Variants in PCGF2 observed in about 807,000 individuals in gnomAD.
PCGF2 encodes the protein polycomb group ring finger 2, also known as polycomb group RING finger protein 2.
PCGF2 carries 8 observed loss-of-function variants against 36.1 expected under a neutral mutation model. That is an observed-to-expected ratio of 0.22 (90% CI 0.13 to 0.40). The LOEUF (loss-of-function observed/expected upper bound fraction) is 0.40, where lower values mean the gene tolerates loss of function less well. Ranked by LOEUF, PCGF2 falls within the 10% of genes least tolerant of loss-of-function variation. The pLI, the probability that PCGF2 is intolerant of heterozygous loss-of-function variation, is 1.00. For missense variants in PCGF2, 436 were observed against 475.9 expected, an observed-to-expected ratio of 0.92 and a Z score of 0.78; for synonymous variants, 198 against 191.2, an observed-to-expected ratio of 1.04 and a Z score of -0.29.
intron 10 of PCGF2, 101 bp from the exon 11 acceptor site, chr17:38,735,701 C>T (rs1301292841): frequency 5.7e-6 from 8 of 1,400,174 alleles, no homozygotes; most frequent in Non-Finnish European, 6.6e-6. Flanking sequence ...TGTCCAAACT[C>T]GAAAAAAGGG....
At chr17:38,749,771 C>A (rs1287431765), upstream of PCGF2, 8 of 454,652 alleles carry the variant, frequency 1.8e-5, no homozygotes, top group Non-Finnish European at 2.2e-5. The surrounding 1 kb of genome is among the most constrained non-coding windows in gnomAD (Gnocchi z 6.5). Context: ...ACCAGGAGAC[C>A]TGCGCACACT....
chr17:38,741,317 C>T (rs1170240899), intron 2 of PCGF2, among the ~76,000 whole-genome samples: 2 of 152,122 alleles, frequency 1.3e-5, no homozygotes, highest in African/African-American at 2.4e-5. Context: ...TCCGTATTCA[C>T]TCACATGGTC....
At chr17:38,740,629 G>C (rs1907140179) in intron 2 of PCGF2, among the ~76,000 whole-genome samples, 187 bp from the exon 3 acceptor site, 1 of 152,180 alleles carries the variant, frequency 6.6e-6, no homozygotes. Context: ...CATGGTGGTG[G>C]GCACCTGTAG....
At position 38,736,003 on chromosome 17, in the gene PCGF2, G is replaced by A. The variant is rs984791797; in HGVS notation, c.657+87C>T. 318 of 896,878 alleles carry A rather than the reference G, an allele frequency of 3.5e-4. 5 individuals are homozygous for A. The highest frequency in any genetic ancestry group is 1.0e-4 in the Admixed American group (5 of 49,976). 55.6% of individuals were successfully genotyped at this position (896,878 alleles called of 1,614,324 possible). ...ATGGGATAAGGGACAGACTGTCTCT[G>A]ATTACAGAAGGGTGGCCCATGTGGC... On this transcript the variant is annotated intron_variant, in intron 10 of 10. Coordinates refer to ENST00000620225, the MANE Select transcript of PCGF2 (RefSeq NM_007144.3).
chr17:38,736,246 G>A (rs1313892084), intron 9 of PCGF2, 76 bp from the exon 10 acceptor site: 5 of 876,822 alleles, frequency 5.7e-6, no homozygotes, highest in Non-Finnish European at 9.4e-6. Context: ...GGGACTGGGA[G>A]GCGGGGCAAT....
At chr17:38,738,688 C>G in intron 7 of PCGF2, 65 bp downstream of exon 7, 1 of 1,566,272 alleles carries the variant, frequency 6.4e-7, no homozygotes, top group South Asian at 1.1e-5. Flanking sequence ...CAGAGAGGGT[C>G]CTGGGTGGGA....
chr17:38,738,550 G>T lies in PCGF2; in HGVS notation c.471C>A (p.Asp157Glu), dbSNP rs142427824. 1 of 1,599,256 alleles carries T rather than the reference G, an allele frequency of 6.3e-7. No homozygotes were observed. The highest frequency in any genetic ancestry group is 8.5e-7 in the Non-Finnish European group (1 of 1,171,196). Residue 157 changes from aspartate to glutamate, a missense_variant, in exon 8 of 11, where the codon GAC (aspartate) becomes GAA (glutamate). By Grantham distance (45) the Asp-to-Glu change is conservative. This residue lies in a region of PCGF2 where 189 missense variants were observed against 219.3 expected (regional missense o/e 0.86). Transcript: ENST00000620225. ...KKGPLENGDGDKEKTGVRFLR... is the reference protein window; with the variant it reads ...KKGPLENGDGEKEKTGVRFLR... ...AGGCCCCAGCACTCACTTTCTCTTTGTCCCCATCCCCATTCTCCAGGGGGC... is the reference window on the plus strand; with the variant it reads ...AGGCCCCAGCACTCACTTTCTCTTTTTCCCCATCCCCATTCTCCAGGGGGC...
Position 38,739,241 on chromosome 17 carries a change from T to A in PCGF2, c.222A>T (p.Thr74=). The part of the protein sequence containing the change: ...RPLLSIRSDK[T]LQDIVYKLVP... ...CCAATTTGTAGACAATGTCTTGAAG[T>A]GTTTTGTCAGACCTGGGGAAAAATG... Residue 74 remains threonine (T), a synonymous_variant, in exon 5 of 11, where the codon ACA becomes ACT. Coordinates refer to ENST00000620225, the MANE Select transcript of PCGF2 (RefSeq NM_007144.3). The surrounding 1 kb of genome is among the most constrained non-coding windows in gnomAD (Gnocchi z 4.0). 6.2e-7 allele frequency: 1 copy of A among 1,613,892 alleles called. No individual in the cohort carries two copies. Among genetic ancestry groups the A allele is most frequent in the Non-Finnish European group, 8.5e-7 (1 of 1,179,926 alleles).
At chr17:38,747,284 C>T (rs1026794289) in intron 2 of PCGF2, among the ~76,000 whole-genome samples, 2 of 152,014 alleles carry the variant, frequency 1.3e-5, no homozygotes, top group African/African-American at 4.8e-5. Context: ...TCAGAGCTAG[C>T]AGTAGGAGGG....
chr17:38,736,737 G>T (rs571235663), intron 9 of PCGF2, among the ~76,000 whole-genome samples: 56 of 152,320 alleles, frequency 3.7e-4, no homozygotes, highest in African/African-American at 1.3e-3. Flanking sequence ...GGGAGGCTGA[G>T]GCAGGAGAAT....
Position 38,735,377 on chromosome 17 carries a change from G to A in PCGF2, c.881C>T (p.Ala294Val). The part of the protein sequence containing the change: ...HGSPSSHGPP[A>V]THPTSPTPPS... The stretch of plus-strand genomic sequence containing the variant: ...GGGAGTGGGGGAGGTAGGGTGGGTG[G>A]CTGGAGGCCCATGGGAACTGGGAGA... Residue 294 changes from alanine to valine, a missense_variant, in exon 11 of 11, where the codon GCC (alanine) becomes GTC (valine). Ala to Val is a moderately conservative substitution (Grantham distance 64, BLOSUM62 0). This residue lies in a region of PCGF2 where 227 missense variants were observed against 212.9 expected (regional missense o/e 1.07). Coordinates refer to ENST00000620225, the MANE Select transcript of PCGF2 (RefSeq NM_007144.3). The A allele has an allele frequency of 6.4e-7, 1 of 1,564,986 alleles. No homozygotes were observed. The highest frequency in any genetic ancestry group is 1.9e-5 in the Admixed American group (1 of 52,962).
intron 2 of PCGF2, among the ~76,000 whole-genome samples, chr17:38,740,964 G>A (rs552311961): frequency 7.2e-5 from 11 of 152,142 alleles, no homozygotes; most frequent in Non-Finnish European, 1.5e-4. Flanking sequence ...ACACAGCCTT[G>A]AGCAACAAGG....
upstream of PCGF2, among the ~76,000 whole-genome samples, chr17:38,748,714 T>C (rs1039248750): frequency 4.0e-5 from 6 of 151,438 alleles, no homozygotes; most frequent in African/African-American, 1.5e-4. Flanking sequence ...TGGAAAATGG[T>C]GAAATGGGGA....
chr17:38,740,709 A>T (rs1907147346), intron 2 of PCGF2, among the ~76,000 whole-genome samples: 1 of 152,096 alleles, frequency 6.6e-6, no homozygotes, highest in Admixed American at 6.5e-5. Flanking sequence ...CAGTGAGCCG[A>T]GATCATGCCA....
Position 38,739,152 on chromosome 17 carries a change from T to A in PCGF2, c.266-34A>T. ...AGGCAGCAGGATGAGGACAGGGCCA[T>A]GGGTTGGGAAATGGGGTCAGTGGAG... On this transcript the variant is annotated intron_variant, in intron 5 of 10. Transcript: ENST00000620225. The surrounding 1 kb of genome is among the most constrained non-coding windows in gnomAD (Gnocchi z 4.0). The A allele has an allele frequency of 6.2e-7, 1 of 1,613,946 alleles. No individual in the cohort carries two copies. The highest frequency in any genetic ancestry group is 8.5e-7 in the Non-Finnish European group (1 of 1,179,910).
chr17:38,736,634 A>G (rs1261604459), intron 9 of PCGF2, among the ~76,000 whole-genome samples: 4 of 152,068 alleles, frequency 2.6e-5, no homozygotes, highest in South Asian at 2.1e-4. Context: ...GGAGATCGAG[A>G]CCATCCTGGC....
In PCGF2 at chr17:38,738,384, C is replaced by T. The variant is rs764470222; in HGVS notation, c.545G>A (p.Arg182His). Residue 182 changes from arginine (R) to histidine (H), a missense_variant, in exon 9 of 11, where the codon CGC becomes CAC. Physicochemically the swap from Arg to His is conservative, Grantham distance 29. Coordinates refer to ENST00000620225, the MANE Select transcript of PCGF2 (RefSeq NM_007144.3). ...CTTGCTGGGCACATCCATCTTGTTG[C>T]GGAGAAACTTGGCAAGATGCATGAC... ...MTVMHLAKFLRNKMDVPSKYK... is the reference protein window; with the variant it reads ...MTVMHLAKFLHNKMDVPSKYK... 115 of 1,614,060 alleles carry T rather than the reference C, an allele frequency of 7.1e-5. No homozygotes were observed. Among genetic ancestry groups the T allele is most frequent in the Middle Eastern group, 1.6e-4 (1 of 6,084 alleles).
rs1906636044 is a variant in PCGF2 at position 38,735,526 on chromosome 17, G to GGGGGTGGGCACCGTGGCT, written c.714_731dup (p.Ala239_Pro244dup). 1.9e-6 allele frequency: 3 copies of GGGGGTGGGCACCGTGGCT among 1,590,466 alleles called. No homozygotes were observed. The highest frequency in any genetic ancestry group is 1.7e-6 in the Non-Finnish European group (2 of 1,168,624). On this transcript the variant is annotated inframe_insertion, in exon 11 of 11. Coordinates refer to ENST00000620225, the MANE Select transcript of PCGF2 (RefSeq NM_007144.3). ...CCCCGCTGGTGTTGGTGCCCTCGGA[G>GGGGGTGGGCACCGTGGCT]GGGGTGGGCACCGTGGCTAGGGTGA...
In PCGF2 at chr17:38,734,804, T is replaced by C. The variant is rs1230571855; in HGVS notation, c.*419A>G. 21 of 157,410 alleles carry C rather than the reference T, an allele frequency of 1.3e-4. No homozygotes were observed. Among genetic ancestry groups the C allele is most frequent in the African/African-American group, 4.8e-5 (2 of 41,644 alleles). The allele number at this position is 157,410 out of a possible 1,614,324, so 9.8% of individuals were successfully genotyped here. A position where few individuals can be genotyped will look rare whatever the true frequency, so the allele number is the denominator to read the frequency against. ...TCCTATATGCAGCCAGTTGGAATCATGCCTAAAGCTTTGGGTCTGAAGGGG... is the reference window on the plus strand; with the variant it reads ...TCCTATATGCAGCCAGTTGGAATCACGCCTAAAGCTTTGGGTCTGAAGGGG... On this transcript the variant is annotated 3_prime_UTR_variant, in exon 11 of 11. Coordinates refer to ENST00000620225, the MANE Select transcript of PCGF2 (RefSeq NM_007144.3).
Sources: gnomAD v4.1 joint callset for allele counts (sites outside exome capture counted in the v4.1 genomes callset) on GRCh38, gnomAD v4.1.1 for gene constraint, gnomAD v4.1.1 regional missense constraint, Gnocchi (gnomAD v3.1) non-coding constraint, MANE v1.5 for transcripts, NCBI Gene and HGNC (gene_info 2026-07-23, HGNC 2026-07-21) for gene names.